Variants in PSMA2 observed in about 807,000 individuals in gnomAD.
PSMA2 encodes proteasome 20S subunit alpha 2.
Under a neutral mutation model 35.9 loss-of-function variants are expected in PSMA2, and 2 were observed. The observed-to-expected ratio is 0.06, with a 90% CI of 0.02 to 0.18. PSMA2 has a LOEUF of 0.18. Among genes scored for constraint, PSMA2 ranks in the 10% least tolerant of loss-of-function variants. PSMA2 has a pLI of 1.00. For missense variants in PSMA2, 126 were observed against 278.8 expected, an observed-to-expected ratio of 0.45 and a Z score of 3.90; for synonymous variants, 97 against 98.2, an observed-to-expected ratio of 0.99 and a Z score of 0.07.
chr7:42,928,263 G>A (rs770342682), intron 1 of PSMA2, among the ~76,000 whole-genome samples: 18 of 152,164 alleles, frequency 1.2e-4, no homozygotes, highest in Non-Finnish European at 2.2e-4. Flanking sequence ...CTATAAAACT[G>A]TCTGGCATAA....
rs183720852 is a variant in PSMA2 at position 42,919,399 on chromosome 7, G to T, written c.531-1564C>A. Reference sequence around the variant, plus strand: ...GATAGTAATTATTTGTTAACCAGGGGACAGAATAAACTGTTTTGCATATAT... The same window carrying T: ...GATAGTAATTATTTGTTAACCAGGGTACAGAATAAACTGTTTTGCATATAT... On this transcript the variant is annotated intron_variant, in intron 6 of 7. Transcript: ENST00000223321. 6 of 563,388 alleles carry T rather than the reference G, an allele frequency of 1.1e-5. No homozygotes were observed. The East Asian group carries it at 1.9e-4, about 17-fold the overall frequency. 34.9% of individuals were successfully genotyped at this position (563,388 alleles called of 1,614,324 possible). A position where few individuals can be genotyped will look rare whatever the true frequency, so the allele number is the denominator to read the frequency against.
chr7:42,924,177 C>T (rs1786168893), intron 4 of PSMA2, among the ~76,000 whole-genome samples: 1 of 112,796 alleles, frequency 8.9e-6, no homozygotes, highest in Non-Finnish European at 1.8e-5. Flanking sequence ...AACCACATCT[C>T]TACCAAAAAA....
intron 4 of PSMA2, among the ~76,000 whole-genome samples, chr7:42,923,608 T>C (rs1786160064): frequency 6.6e-6 from 1 of 151,794 alleles, no homozygotes; most frequent in African/African-American, 2.4e-5. Context: ...GGTAGCCAAA[T>C]AAAAAAAAAT....
chr7:42,927,626 C>A (rs1786233696), intron 1 of PSMA2, among the ~76,000 whole-genome samples, 167 bp from the exon 2 acceptor site: 1 of 152,200 alleles, frequency 6.6e-6, no homozygotes, highest in African/African-American at 2.4e-5. Flanking sequence ...AAGTTTACAG[C>A]TGGGCGCAAT....
intron 3 of PSMA2, among the ~76,000 whole-genome samples, chr7:42,925,416 C>T (rs1410080128): frequency 6.6e-6 from 1 of 152,174 alleles, no homozygotes; most frequent in Non-Finnish European, 1.5e-5. Context: ...GAGAATAACT[C>T]AGATGTGAAA....
chr7:42,926,615 C>T lies in PSMA2; in HGVS notation c.172G>A (p.Asp58Asn). 6.2e-7 allele frequency: 1 copy of T among 1,612,406 alleles called. No homozygotes were observed. The highest frequency in any genetic ancestry group is 8.5e-7 in the Non-Finnish European group (1 of 1,179,478). The change falls in exon 3 of 8, where the codon GAT becomes AAT. Residue 58 changes from aspartate to asparagine, a missense_variant. By Grantham distance (23) the Asp-to-Asn change is conservative. Transcript: ENST00000223321. ...TEKKQKSILY[D>N]ERSVHKVEPI... The stretch of plus-strand genomic sequence containing the variant: ...TCTACTTTGTGTACACTTCGCTCAT[C>T]ATACAGAATGGATTTCTGTTTTTTC...
intron 1 of PSMA2, among the ~76,000 whole-genome samples, chr7:42,928,099 C>G (rs1231959620): frequency 1.3e-5 from 2 of 152,136 alleles, no homozygotes; most frequent in African/African-American, 2.4e-5. Flanking sequence ...ACACAGTAAC[C>G]ACAACTGGTT....
At position 42,919,037 on chromosome 7, in the gene PSMA2, TG is replaced by T. The variant is rs1259983565; in HGVS notation, c.531-1203del. 4.1e-5 allele frequency: 11 copies of T among 267,722 alleles called. No homozygotes were observed. The Admixed American group carries it at 4.9e-4, about 12-fold the overall frequency. 16.6% of individuals were successfully genotyped at this position (267,722 alleles called of 1,614,324 possible). The stretch of plus-strand genomic sequence containing the variant: ...CGGGGTTTCACCATGTTGGCCCAGC[TG>T]GTCTCGAACTTCTGACCTCAGGTGA... On this transcript the variant is annotated intron_variant, in intron 6 of 7. Coordinates refer to ENST00000223321, the MANE Select transcript of PSMA2 (RefSeq NM_002787.5).
intron 1 of PSMA2, among the ~76,000 whole-genome samples, chr7:42,929,490 A>C (rs1169221030): frequency 6.6e-6 from 1 of 152,194 alleles, no homozygotes; most frequent in African/African-American, 2.4e-5. Flanking sequence ...TCACTGCGTG[A>C]AAGCTCACTA....
At chr7:42,918,011 TCTG>T (rs1033902356) in intron 6 of PSMA2, 176 bp from the exon 7 acceptor site, 59 of 482,320 alleles carry the variant, frequency 1.2e-4, no homozygotes, top group African/African-American at 1.0e-3. Flanking sequence ...ACTGACAATA[TCTG>T]GTGCTCAATT....
At chr7:42,923,235 T>C (rs1786154648) in intron 5 of PSMA2, 90 bp downstream of exon 5, 6 of 994,128 alleles carry the variant, frequency 6.0e-6, no homozygotes, top group Non-Finnish European at 9.1e-6. Flanking sequence ...AAAATACTGC[T>C]AAATTGTAAA....
intron 5 of PSMA2, among the ~76,000 whole-genome samples, chr7:42,922,544 G>A (rs1424241795): frequency 6.6e-6 from 1 of 152,130 alleles, no homozygotes; most frequent in Non-Finnish European, 1.5e-5. Context: ...GCTACCTTCT[G>A]GAAAGGAAGA....
chr7:42,926,927 C>T (rs565333463), intron 2 of PSMA2, among the ~76,000 whole-genome samples: 26 of 152,304 alleles, frequency 1.7e-4, no homozygotes, highest in African/African-American at 6.0e-4. Flanking sequence ...TCTAAGGATA[C>T]CTGAGAGTTC....
rs1169683101 is a variant in PSMA2 at position 42,919,155 on chromosome 7, C to T, written c.531-1320G>A. 56 of 530,236 alleles carry T rather than the reference C, an allele frequency of 1.1e-4. 2 individuals carry two copies. Among genetic ancestry groups the T allele is most frequent in the African/African-American group, 1.9e-5 (1 of 52,096 alleles). The allele number at this position is 530,236 out of a possible 1,614,324, so 32.8% of individuals were successfully genotyped here. On this transcript the variant is annotated intron_variant, in intron 6 of 7. Transcript: ENST00000223321. ...ATGAGTATTTCTAAATCAGTGCTTGCAAAGACGGCAAACCTATGCTATGCC... is the reference window on the plus strand; with the variant it reads ...ATGAGTATTTCTAAATCAGTGCTTGTAAAGACGGCAAACCTATGCTATGCC...
chr7:42,930,422 T>G (rs1360958850), intron 1 of PSMA2, among the ~76,000 whole-genome samples: 7 of 151,994 alleles, frequency 4.6e-5, no homozygotes, highest in Admixed American at 4.6e-4. Flanking sequence ...TGGCTAATTT[T>G]TTAATTTTTT....
chr7:42,920,254 C>T, intron 6 of PSMA2: 2 of 232,630 alleles, frequency 8.6e-6, no homozygotes, highest in South Asian at 1.3e-4. Flanking sequence ...TGGTGTTACC[C>T]ATAAGTGAAA....
Position 42,917,475 on chromosome 7 carries a change from A to G in PSMA2, c.*99T>C, listed in dbSNP as rs1289095539. The G allele has an allele frequency of 1.1e-6, 1 of 872,636 alleles. No homozygotes were observed. Among genetic ancestry groups the G allele is most frequent in the African/African-American group, 1.7e-5 (1 of 59,482 alleles). The allele number at this position is 872,636 out of a possible 1,614,324, so 54.1% of individuals were successfully genotyped here. ...TAAAAACAGTCGATTTAAACCATGTAGAAATAAGTATGCAAAAAGTCTGCA... is the reference window on the plus strand; with the variant it reads ...TAAAAACAGTCGATTTAAACCATGTGGAAATAAGTATGCAAAAAGTCTGCA... On this transcript the variant is annotated 3_prime_UTR_variant, in exon 8 of 8. Coordinates refer to ENST00000223321, the MANE Select transcript of PSMA2 (RefSeq NM_002787.5).
intron 6 of PSMA2, 154 bp downstream of exon 6, chr7:42,921,704 G>C (rs781473132): frequency 2.4e-5 from 11 of 461,294 alleles, no homozygotes; most frequent in Non-Finnish European, 3.5e-5. Flanking sequence ...TAGGAAACTA[G>C]AAGGGAGAGA....
At chr7:42,920,696 CTAAGAT>C (rs1228057723) in intron 6 of PSMA2, 1 of 152,006 alleles carries the variant, frequency 6.6e-6, no homozygotes, top group Admixed American at 6.6e-5. Flanking sequence ...CTTTAAGAGC[CTAAGAT>C]TAAGTTTACC....
Sources: allele counts gnomAD v4.1 joint callset (sites outside exome capture counted in the v4.1 genomes callset), GRCh38; gene constraint gnomAD v4.1.1; transcripts MANE v1.5; gene names NCBI Gene and HGNC (gene_info 2026-07-23, HGNC 2026-07-21).